Variants in ABCC1 observed in about 807,000 individuals in gnomAD.
ABCC1 encodes multidrug resistance-associated protein 1.
Under a neutral mutation model 172.9 loss-of-function variants are expected in ABCC1, and 83 were observed. That is an observed-to-expected ratio of 0.48 (90% CI 0.40 to 0.58). ABCC1 has a LOEUF of 0.58. ABCC1 is among the 20% of genes least tolerant of loss of function. The pLI is 0.00. For synonymous variants in ABCC1, 937 were observed against 825.2 expected (o/e 1.14, Z -2.32); for missense variants, 1,817 against 2,002.7 (o/e 0.91, Z 1.77).
intron 22 of ABCC1, among the ~76,000 whole-genome samples, chr16:16,112,618 A>T (rs1485436608): frequency 6.6e-6 from 1 of 152,210 alleles, no homozygotes. Flanking sequence ...TCAGTTGCCA[A>T]AAGTCACACA....
intron 1 of ABCC1, among the ~76,000 whole-genome samples, chr16:15,952,087 CTG>C (rs2045887200): frequency 6.6e-6 from 1 of 152,226 alleles, no homozygotes. Context: ...CACTTTCCCT[CTG>C]TGTGCCTCAC....
At chr16:15,981,649 C>T (rs1027057279) in intron 1 of ABCC1, among the ~76,000 whole-genome samples, 3 of 152,148 alleles carry the variant, frequency 2.0e-5, no homozygotes, top group African/African-American at 7.2e-5. Flanking sequence ...TCATTTTTTC[C>T]TCCTAGACCT....
intron 22 of ABCC1, among the ~76,000 whole-genome samples, chr16:16,114,229 A>G (rs552556373): frequency 6.6e-6 from 1 of 152,300 alleles, no homozygotes; most frequent in South Asian, 2.1e-4. Context: ...GTAGTAATAG[A>G]AGTTATTCAG....
intron 1 of ABCC1, among the ~76,000 whole-genome samples, chr16:15,999,769 T>TTCTCTCTCTCCCTCTCTC (rs2047186883): frequency 3.2e-4 from 8 of 25,368 alleles, no homozygotes; most frequent in South Asian, 2.0e-3. Flanking sequence ...CCCGGCCTCT[T>TTCTCTCTCTCCCTCTCTC]TCTCTCTCTC....
chr16:16,076,205 T>A (rs949467360), intron 14 of ABCC1, 121 bp from the exon 15 acceptor site: 7 of 923,982 alleles, frequency 7.6e-6, no homozygotes, highest in African/African-American at 1.7e-5. Context: ...CAGATAATAA[T>A]GCCTAGCGCC....
chr16:15,949,885 ACCCCGCT>A lies in ABCC1; in HGVS notation c.48+95_48+101del, dbSNP rs916257189. ...CACCGGGCCCGCAGCCGCCCGGGGC[ACCCCGCT>A]CCCCGCTCTGCTGCCGGCCTCGGGG... is the stretch of plus-strand genomic sequence containing the variant. On this transcript the variant is annotated intron_variant, in intron 1 of 30. Coordinates refer to ENST00000399410, the MANE Select transcript of ABCC1 (RefSeq NM_004996.4). The A allele has an allele frequency of 3.6e-5, 40 of 1,102,624 alleles. No homozygotes were observed. In the Admixed American group the frequency reaches 4.7e-4, roughly 13 times the overall value. 68.3% of individuals were successfully genotyped at this position (1,102,624 alleles called of 1,614,324 possible).
chr16:16,001,434 T>G (rs140611896), intron 1 of ABCC1, among the ~76,000 whole-genome samples: 1,797 of 152,062 alleles, frequency 0.012, 42 homozygotes, highest in African/African-American at 0.042. Context: ...TCTGCTGACC[T>G]CGTGATCCAC....
chr16:16,062,795 A>G (rs2049971257), intron 12 of ABCC1, among the ~76,000 whole-genome samples: 2 of 152,208 alleles, frequency 1.3e-5, no homozygotes, highest in South Asian at 4.1e-4. Flanking sequence ...TGGAACACAG[A>G]GGCCGGGGAA....
intron 23 of ABCC1, among the ~76,000 whole-genome samples, chr16:16,117,641 C>T (rs1312250547): frequency 1.3e-5 from 2 of 152,214 alleles, no homozygotes; most frequent in East Asian, 3.8e-4. Flanking sequence ...CACGGTGGCT[C>T]ACGCCTGTAA....
intron 13 of ABCC1, among the ~76,000 whole-genome samples, chr16:16,070,322 T>C (rs2050291132): frequency 6.6e-6 from 1 of 151,352 alleles, no homozygotes; most frequent in African/African-American, 2.4e-5. Flanking sequence ...GAGTTATGTT[T>C]GCACCACTGC....
chr16:15,970,660 A>G (rs1354261508), intron 1 of ABCC1, among the ~76,000 whole-genome samples: 1 of 152,200 alleles, frequency 6.6e-6, no homozygotes, highest in African/African-American at 2.4e-5. Flanking sequence ...TAGGACTTGG[A>G]TCCTGTGGGA....
At chr16:15,997,947 G>A (rs2047115579) in intron 1 of ABCC1, among the ~76,000 whole-genome samples, 1 of 151,456 alleles carries the variant, frequency 6.6e-6, no homozygotes, top group South Asian at 2.1e-4. Context: ...CCGACTAGCT[G>A]GGATTACAGG....
At chr16:16,001,300 C>T (rs182942273) in intron 1 of ABCC1, among the ~76,000 whole-genome samples, 1,796 of 152,200 alleles carry the variant, frequency 0.012, 41 homozygotes, top group African/African-American at 0.042. Flanking sequence ...CAAGCTCTGC[C>T]TCCCGGGTGC....
chr16:15,982,982 T>G (rs1376978434), intron 1 of ABCC1, among the ~76,000 whole-genome samples: 1 of 152,022 alleles, frequency 6.6e-6, no homozygotes, highest in African/African-American at 2.4e-5. Context: ...CTATATAGCA[T>G]GTTCATATCA....
intron 24 of ABCC1, among the ~76,000 whole-genome samples, chr16:16,123,708 C>T (rs1201483116): frequency 6.6e-6 from 1 of 152,006 alleles, no homozygotes; most frequent in South Asian, 2.1e-4. Context: ...CCATACTAAA[C>T]CTAGCTTTAA....
At chr16:16,011,224 C>T (rs1160150250) in intron 3 of ABCC1, among the ~76,000 whole-genome samples, 1 of 134,082 alleles carries the variant, frequency 7.5e-6, no homozygotes, top group Non-Finnish European at 1.7e-5. Flanking sequence ...CAGAGCGAGA[C>T]CTCATCTCAA....
chr16:16,054,190 G>A (rs2049553336), intron 11 of ABCC1, among the ~76,000 whole-genome samples: 1 of 152,062 alleles, frequency 6.6e-6, no homozygotes, highest in Non-Finnish European at 1.5e-5. Context: ...GGCCAGGCTG[G>A]TCTTGAACTC....
intron 23 of ABCC1, among the ~76,000 whole-genome samples, chr16:16,116,200 G>A (rs538688637): frequency 7.9e-5 from 12 of 151,850 alleles, no homozygotes; most frequent in African/African-American, 9.7e-5. Flanking sequence ...CACTGCGCCC[G>A]GCCCCTTTCA....
intron 1 of ABCC1, among the ~76,000 whole-genome samples, chr16:15,999,335 G>A (rs767785396): frequency 7.3e-5 from 11 of 151,724 alleles, no homozygotes; most frequent in Middle Eastern, 6.8e-3. Context: ...ATGGGGTCTC[G>A]CTGGGTGCGA....
Sources: allele counts gnomAD v4.1 joint callset (sites outside exome capture counted in the v4.1 genomes callset), GRCh38; gene constraint gnomAD v4.1.1; transcripts MANE v1.5; gene names NCBI Gene and HGNC (gene_info 2026-07-23, HGNC 2026-07-21).